The following GCNT2 variants were observed in gnomAD, a reference collection of about 807,000 sequenced individuals.
The protein encoded by GCNT2 is glucosaminyl (N-acetyl) transferase 2 (I blood group).
In GCNT2, 34 loss-of-function variants were observed where a neutral mutation model predicts 34.2. The observed-to-expected ratio is 1.00, with a 90% confidence interval of 0.76 to 1.32. The LOEUF (loss-of-function observed/expected upper bound fraction) is 1.32, where lower values mean the gene tolerates loss of function less well. Among genes scored for constraint, GCNT2 ranks in the 40% most tolerant of loss-of-function variants. The pLI is 0.00. For missense variants in GCNT2, 584 were observed against 489.4 expected (o/e 1.19, Z -1.82); for synonymous variants, 212 against 188.0 (o/e 1.13, Z -1.04).
intron 2 of GCNT2, among the ~76,000 whole-genome samples, chr6:10,528,030 CTA>C (rs1761285445): frequency 6.6e-6 from 1 of 152,126 alleles, no homozygotes; most frequent in African/African-American, 2.4e-5. Flanking sequence ...TTGAAATTCA[CTA>C]TGTTAGCCTG....
intron 3 of GCNT2, among the ~76,000 whole-genome samples, chr6:10,601,957 A>C (rs1039855884): frequency 1.1e-4 from 16 of 147,226 alleles, no homozygotes; most frequent in Non-Finnish European, 5.9e-5. Context: ...AAAAAAAAAA[A>C]AAACAAAAAA....
At position 10,529,149 on chromosome 6, in the gene GCNT2, C is replaced by T. The variant is rs745726583; in HGVS notation, c.238C>T (p.Arg80Ter). 14 of 1,613,960 alleles carry T rather than the reference C, an allele frequency of 8.7e-6. No individual in the cohort carries two copies. Among genetic ancestry groups the T allele is most frequent in the Admixed American group, 3.3e-5 (2 of 60,014 alleles). ...AGCTACCTGCTATGAGTACATGGTT[C>T]GAAGCCACTATGTAACAGAAACACT... ...DEATCYEYMV[R>*]SHYVTETLSE... Residue 80 changes from arginine (R) to a stop codon, truncating the protein, a stop_gained, in exon 3 of 5, where the codon CGA becomes TGA. Coordinates refer to ENST00000495262, the MANE Select transcript of GCNT2 (RefSeq NM_145649.5). LOFTEE classifies it high-confidence loss of function.
At chr6:10,581,850 G>A (rs1207471344) in intron 3 of GCNT2, 2 of 984,848 alleles carry the variant, frequency 2.0e-6, no homozygotes, top group African/African-American at 1.7e-5. Context: ...AGAAAAGGGT[G>A]TGGTTCTAGT....
intron 3 of GCNT2, among the ~76,000 whole-genome samples, chr6:10,575,854 C>G (rs1763784189): frequency 6.6e-6 from 1 of 152,060 alleles, no homozygotes; most frequent in South Asian, 2.1e-4. Flanking sequence ...CACCTTGCGA[C>G]CCCCACTCCT....
At chr6:10,566,124 C>G (rs554615803) in intron 3 of GCNT2, among the ~76,000 whole-genome samples, 5 of 152,086 alleles carry the variant, frequency 3.3e-5, no homozygotes, top group African/African-American at 1.2e-4. Context: ...CATGCAGTCC[C>G]TCTCCCGGGA....
At chr6:10,620,506 C>T (rs1765987386) in intron 3 of GCNT2, among the ~76,000 whole-genome samples, 3 of 151,858 alleles carry the variant, frequency 2.0e-5, no homozygotes, top group African/African-American at 7.3e-5. Context: ...TTCCTAGGCT[C>T]ACATGATCCT....
At chr6:10,582,463 ATATAATATATAC>A (rs58750043) in intron 3 of GCNT2, among the ~76,000 whole-genome samples, 2,640 of 118,504 alleles carry the variant, frequency 0.022, 47 homozygotes, top group African/African-American at 0.044. Flanking sequence ...TATATAATAA[ATATAATATATAC>A]TATAATATAT....
chr6:10,592,037 A>C (rs1287196302), intron 3 of GCNT2, among the ~76,000 whole-genome samples: 1 of 152,162 alleles, frequency 6.6e-6, no homozygotes, highest in Non-Finnish European at 1.5e-5. Flanking sequence ...TGCTGATTGG[A>C]CCCGTGACTG....
chr6:10,578,981 C>T (rs1763949566), intron 3 of GCNT2, among the ~76,000 whole-genome samples: 1 of 152,176 alleles, frequency 6.6e-6, no homozygotes, highest in Non-Finnish European at 1.5e-5. Context: ...TTAAGCTTAT[C>T]TTCAGAATGG....
chr6:10,547,872 A>T (rs1054898048), intron 3 of GCNT2, among the ~76,000 whole-genome samples: 1 of 152,140 alleles, frequency 6.6e-6, no homozygotes, highest in Non-Finnish European at 1.5e-5. Context: ...TATTTATTCA[A>T]TGGGTTATAA....
intron 3 of GCNT2, among the ~76,000 whole-genome samples, chr6:10,571,170 C>T (rs564955479): frequency 6.1e-4 from 93 of 152,232 alleles, no homozygotes; most frequent in Non-Finnish European, 1.1e-3. Context: ...TTTTTAGCCT[C>T]ACTGCCTATT....
Position 10,527,663 on chromosome 6 carries a change from A to G in GCNT2, c.-282+3A>G, listed in dbSNP as rs2113496768. Reference sequence around the variant, plus strand: ...AGTAAGAAGATTTCAAAGGAGAGGTAATTGTGTCATTTATTAGAAGTATGA... The same window carrying G: ...AGTAAGAAGATTTCAAAGGAGAGGTGATTGTGTCATTTATTAGAAGTATGA... On this transcript the variant is annotated splice_donor_region_variant and intron_variant, in intron 2 of 4. Transcript: ENST00000495262. 1 of 152,238 alleles carries G rather than the reference A, an allele frequency of 6.6e-6. No individual in the cohort carries two copies. The highest frequency in any genetic ancestry group is 1.9e-4 in the East Asian group (1 of 5,180). 9.4% of individuals were successfully genotyped at this position (152,238 alleles called of 1,614,324 possible).
chr6:10,579,293 A>T (rs1763961973), intron 3 of GCNT2, among the ~76,000 whole-genome samples: 1 of 152,156 alleles, frequency 6.6e-6, no homozygotes, highest in Admixed American at 6.5e-5. Context: ...CAATGAAAAA[A>T]CCCACTATAT....
At chr6:10,531,442 C>T (rs78333635) in intron 3 of GCNT2, among the ~76,000 whole-genome samples, 2,058 of 152,310 alleles carry the variant, frequency 0.014, 59 homozygotes, top group African/African-American at 0.046. Context: ...TCATCTGGGG[C>T]TTCTAAAAAT....
intron 3 of GCNT2, among the ~76,000 whole-genome samples, chr6:10,582,440 T>A (rs6907019): frequency 6.7e-5 from 8 of 118,788 alleles, no homozygotes; most frequent in African/African-American, 3.1e-4. Context: ...AATTTAATAT[T>A]TATTATATAA....
At position 10,575,448 on chromosome 6, in the gene GCNT2, G is replaced by A. The variant is rs971296033; in HGVS notation, c.925+45612G>A. ...GCGTTCTCAGCTCACTGCATCCTCC[G>A]ACTCTTGGGTTCAAGAGATTCTCCT... On this transcript the variant is annotated intron_variant, in intron 3 of 4. Transcript: ENST00000495262. Among the ~76,000 whole-genome samples the A allele has an allele frequency of 4.7e-5, 7 of 148,196 alleles. No homozygotes were observed. The South Asian group carries it at 1.3e-3, about 27-fold the overall frequency.
intron 3 of GCNT2, among the ~76,000 whole-genome samples, chr6:10,581,048 A>C (rs1764049804): frequency 6.6e-6 from 1 of 152,182 alleles, no homozygotes. Flanking sequence ...GTTGGAAGTT[A>C]ATAGCTTTGC....
chr6:10,585,261 C>G lies in GCNT2; in HGVS notation c.926-36090C>G, dbSNP rs148143724. On this transcript the variant is annotated intron_variant, in intron 3 of 4. Transcript: ENST00000495262. ...GTGCTGCCATCATAGCTCACTGCAG[C>G]CTTGATCTCCTTGGCTCAAGCAATC... is the stretch of plus-strand genomic sequence containing the variant. 3.6e-3 allele frequency among the ~76,000 whole-genome samples: 546 copies of G among 152,184 alleles called. 5 individuals carry two copies. Among genetic ancestry groups the G allele is most frequent in the African/African-American group, 0.013 (522 of 41,506 alleles).
At chr6:10,623,125 C>T (rs1766112235) in intron 4 of GCNT2, among the ~76,000 whole-genome samples, 1 of 152,054 alleles carries the variant, frequency 6.6e-6, no homozygotes, top group South Asian at 2.1e-4. Context: ...TACAACTCTC[C>T]ATTACACCAA....
Sources: allele counts gnomAD v4.1 joint callset (sites outside exome capture counted in the v4.1 genomes callset), GRCh38; gene constraint gnomAD v4.1.1; transcripts MANE v1.5; gene names NCBI Gene and HGNC (gene_info 2026-07-23, HGNC 2026-07-21).